Variants in DMD observed in about 807,000 individuals in gnomAD.
DMD encodes the protein dystrophin.
In DMD, 63 loss-of-function variants were observed where a neutral mutation model predicts 330.1. The ratio of observed to expected loss-of-function variants is 0.19; its 90% CI spans 0.16 to 0.24. The LOEUF (loss-of-function observed/expected upper bound fraction) is 0.24. DMD is among the 10% of genes least tolerant of loss of function. The pLI is 1.00. For missense variants in DMD, 3,344 were observed against 2,684.1 expected, an observed-to-expected ratio of 1.25 and a Z score of -5.43; for synonymous variants, 1,223 against 959.8, an observed-to-expected ratio of 1.27 and a Z score of -5.07.
intron 33 of DMD, among the ~76,000 whole-genome samples, chrX:32,385,370 A>G (rs73463819): frequency 1.1e-3 from 117 of 111,163 alleles, no homozygotes; most frequent in African/African-American, 3.6e-3. Context: ...ATGCAATTGG[A>G]CACTTATCTC....
rs144486099 is a variant in DMD, at chrX:32,131,846, C to A, written c.6438+85070G>T. Among the ~76,000 whole-genome samples the A allele has an allele frequency of 8.2e-3, 922 of 112,024 alleles. 5 individuals are homozygous for A. Among genetic ancestry groups the A allele is most frequent in the Middle Eastern group, 0.028 (6 of 216 alleles). On this transcript the variant is annotated intron_variant, in intron 44 of 78. Coordinates refer to ENST00000357033, the MANE Select transcript of DMD (RefSeq NM_004006.3). ...GTGCTCTACACTGGATGTCAGAAGA[C>A]CTCAGTGCCAGACCCTGCTTCTTCA...
chrX:32,847,533 A>T (rs1049111057), intron 3 of DMD, among the ~76,000 whole-genome samples: 23 of 112,455 alleles, frequency 2.0e-4, no homozygotes, highest in African/African-American at 7.1e-4. Flanking sequence ...ATTAGAATTC[A>T]AGACAAGGCA....
At position 32,879,505 on chromosome X, in the gene DMD, CTTTT is replaced by C. The variant is rs1005293286; in HGVS notation, c.94-29689_94-29686del. On this transcript the variant is annotated intron_variant, in intron 2 of 78. Coordinates refer to ENST00000357033, the MANE Select transcript of DMD (RefSeq NM_004006.3). ...AATAAAGATCACCATTAATATTTGTCTTTTTTAATACCAGTTATTGACAAGTGAT... is the reference window on the plus strand; with the variant it reads ...AATAAAGATCACCATTAATATTTGTCTTAATACCAGTTATTGACAAGTGAT... Among the ~76,000 whole-genome samples the C allele has an allele frequency of 1.7e-4, 19 of 112,081 alleles. 1 individual carries two copies. The South Asian group carries it at 3.3e-3, about 20-fold the overall frequency.
chrX:31,456,060 C>CCT (rs57908791), intron 59 of DMD, among the ~76,000 whole-genome samples: 1,323 of 102,677 alleles, frequency 0.013, 14 homozygotes, highest in Middle Eastern at 0.041. Flanking sequence ...ACAGATGATC[C>CCT]CTCTCTCTCT....
intron 17 of DMD, among the ~76,000 whole-genome samples, chrX:32,531,963 T>A (rs1162479736): frequency 9.0e-6 from 1 of 111,409 alleles, no homozygotes; most frequent in Non-Finnish European, 1.9e-5. Context: ...TAAAATAATT[T>A]ATTTCCCAAT....
intron 9 of DMD, among the ~76,000 whole-genome samples, chrX:32,676,307 C>T (rs966736422): frequency 1.8e-5 from 2 of 111,206 alleles, no homozygotes; most frequent in Non-Finnish European, 3.8e-5. Context: ...TGTCTTTCCA[C>T]GAACACAAAG....
chrX:32,843,400 T>C (rs746155410), intron 4 of DMD, among the ~76,000 whole-genome samples: 1 of 112,048 alleles, frequency 8.9e-6, no homozygotes, highest in Non-Finnish European at 1.9e-5. Flanking sequence ...AGCTCATAGA[T>C]TATTCTGGCT....
At chrX:32,836,039 T>A (rs756207100) in intron 4 of DMD, among the ~76,000 whole-genome samples, 121 of 98,466 alleles carry the variant, frequency 1.2e-3, no homozygotes, top group Middle Eastern at 9.7e-3. Context: ...CAAAAAAAAA[T>A]TTTTTTTTTT....
chrX:31,813,814 C>T (rs779236478), intron 50 of DMD, among the ~76,000 whole-genome samples: 2 of 111,667 alleles, frequency 1.8e-5, no homozygotes, highest in East Asian at 2.8e-4. Flanking sequence ...TGTAGTTAGA[C>T]GCTTCATGGT....
intron 44 of DMD, among the ~76,000 whole-genome samples, chrX:32,028,198 A>G (rs2095860086): frequency 9.0e-6 from 1 of 111,578 alleles, no homozygotes; most frequent in South Asian, 3.8e-4. Flanking sequence ...TTACTCGAGT[A>G]TGGTGGTGCC....
At chrX:31,869,777 GC>G (rs1213148355) in intron 48 of DMD, among the ~76,000 whole-genome samples, 1 of 110,542 alleles carries the variant, frequency 9.0e-6, no homozygotes, top group African/African-American at 3.3e-5. Flanking sequence ...TGTAGGCCAT[GC>G]AAAAAGTTCA....
intron 9 of DMD, among the ~76,000 whole-genome samples, chrX:32,696,877 G>A (rs1048908380): frequency 8.1e-5 from 9 of 111,048 alleles, no homozygotes; most frequent in African/African-American, 2.6e-4. Flanking sequence ...ACTAGCCAAG[G>A]ATGGAGGTCA....
At chrX:32,474,530 T>A (rs894565867) in intron 21 of DMD, among the ~76,000 whole-genome samples, 18 of 111,915 alleles carry the variant, frequency 1.6e-4, no homozygotes, top group East Asian at 8.5e-4. Context: ...ATGTACTTTT[T>A]AAAATTTTTT....
At chrX:32,630,034 T>G (rs2146592141) in intron 11 of DMD, among the ~76,000 whole-genome samples, 1 of 111,862 alleles carries the variant, frequency 8.9e-6, no homozygotes, top group South Asian at 3.7e-4. Flanking sequence ...TGAGTTTTGT[T>G]ACTTCAGATG....
At chrX:32,531,881 C>G (rs764684123) in intron 17 of DMD, among the ~76,000 whole-genome samples, 25 of 111,638 alleles carry the variant, frequency 2.2e-4, no homozygotes, top group Non-Finnish European at 4.0e-4. Context: ...TCTCTAATAT[C>G]AGGATATTAA....
intron 11 of DMD, among the ~76,000 whole-genome samples, chrX:32,635,518 T>C (rs1602374243): frequency 8.9e-6 from 1 of 112,047 alleles, no homozygotes; most frequent in Admixed American, 9.5e-5. Flanking sequence ...ATGTATGGTG[T>C]ATCATTAAAT....
At chrX:31,301,937 A>G (rs1163320285) in intron 62 of DMD, among the ~76,000 whole-genome samples, 5 of 111,581 alleles carry the variant, frequency 4.5e-5, no homozygotes, top group East Asian at 2.8e-4. Flanking sequence ...CACATCCCCA[A>G]GACCCAGGCC....
chrX:32,387,521 T>C, intron 32 of DMD, among the ~76,000 whole-genome samples: 1 of 111,280 alleles, frequency 9.0e-6, no homozygotes, highest in African/African-American at 3.2e-5. Flanking sequence ...TTGGGTTTAA[T>C]TTCTCTTTTC....
rs3842480 is a variant in DMD, at chrX:32,287,762, A to AATAT, written c.6118-65_6118-62dup. 632 of 696,467 alleles carry AATAT rather than the reference A, an allele frequency of 9.1e-4. 6 individuals carry two copies. Among genetic ancestry groups the AATAT allele is most frequent in the East Asian group, 8.6e-3 (209 of 24,327 alleles). The allele number at this position is 696,467 out of a possible 1,213,427, so 57.4% of individuals were successfully genotyped here. A position where few individuals can be genotyped will look rare whatever the true frequency, so the allele number is the denominator to read the frequency against. ...AATTAGCTGTCTATAGAAAGAGAAA[A>AATAT]ATATATATATATATACAAATCCCAA... On this transcript the variant is annotated intron_variant, in intron 42 of 78. Transcript: ENST00000357033.
Sources: allele counts gnomAD v4.1 joint callset (sites outside exome capture counted in the v4.1 genomes callset), GRCh38; gene constraint gnomAD v4.1.1; transcripts MANE v1.5; gene names NCBI Gene and HGNC (gene_info 2026-07-23, HGNC 2026-07-21).